The following NRROS variants were observed in gnomAD, a reference collection of about 807,000 sequenced individuals.
NRROS encodes transforming growth factor beta activator LRRC33.
Under a neutral mutation model 12.0 loss-of-function variants are expected in NRROS, and 6 were observed. The observed-to-expected ratio is 0.50, with a 90% CI of 0.27 to 0.98. The LOEUF (loss-of-function observed/expected upper bound fraction) is 0.98. NRROS is among the 50% of genes least tolerant of loss of function. NRROS has a pLI of 0.11. For synonymous variants in NRROS, 462 were observed against 410.2 expected (o/e 1.13, Z -1.53); for missense variants, 857 against 888.2 (o/e 0.96, Z 0.45).
chr3:196,661,695 C>T lies in NRROS; in HGVS notation c.2052C>T (p.Ser684=). The T allele has an allele frequency of 6.3e-7, 1 of 1,595,182 alleles. No homozygotes were observed. The highest frequency in any genetic ancestry group is 1.1e-5 in the South Asian group (1 of 90,904). Residue 684 remains serine (S), a synonymous_variant, in exon 3 of 3, where the codon AGC becomes AGT. Transcript: ENST00000328557. ...FKKPLLQVIK[S]RCHWSSVY is the part of the protein sequence containing the mutation. ...AGCCTCTGCTTCAGGTCATCAAGAG[C>T]CGCTGCCACTGGTCCTCCGTTTACT...
chr3:196,661,441 G>A lies in NRROS; in HGVS notation c.1798G>A (p.Gly600Arg). 6.3e-7 allele frequency: 1 copy of A among 1,591,300 alleles called. No individual in the cohort carries two copies. The highest frequency in any genetic ancestry group is 8.6e-7 in the Non-Finnish European group (1 of 1,166,500). Residue 600 changes from glycine (G) to arginine (R), a missense_variant, in exon 3 of 3, where the codon GGG becomes AGG. Coordinates refer to ENST00000328557, the MANE Select transcript of NRROS (RefSeq NM_198565.3). ...YLSQNPYDCCGVDGWGALQHG... is the reference protein window; with the variant it reads ...YLSQNPYDCCRVDGWGALQHG... ...CAGTCAGAATCCATATGACTGCTGT[G>A]GGGTGGATGGCTGGGGGGCCCTGCA...
chr3:196,659,670 T>C, intron 2 of NRROS, 82 bp from the exon 3 acceptor site: 1 of 1,407,632 alleles, frequency 7.1e-7, no homozygotes, highest in Non-Finnish European at 9.6e-7. Context: ...GCAGGGACAG[T>C]CTGATAAGTG....
At chr3:196,653,589 G>A (rs950300490) in intron 1 of NRROS, among the ~76,000 whole-genome samples, 12 of 152,350 alleles carry the variant, frequency 7.9e-5, no homozygotes, top group Non-Finnish European at 1.8e-4. Context: ...TGGGCGTCAG[G>A]TCCCCAGCAG....
At position 196,654,529 on chromosome 3, in the gene NRROS, C is replaced by T. The variant is rs767480337; in HGVS notation, c.-11C>T. ...TCTTCCCTGCTCTCTGTCCACAGGG[C>T]TGCCCTTGAGATGGAGTTGCTGCCT... is the stretch of plus-strand genomic sequence containing the variant. On this transcript the variant is annotated splice_region_variant and 5_prime_UTR_variant, in exon 2 of 3. Coordinates refer to ENST00000328557, the MANE Select transcript of NRROS (RefSeq NM_198565.3). This position sits in a 1 kb window ranked among gnomAD's most constrained non-coding sequence, Gnocchi z 4.4. 6.3e-7 allele frequency: 1 copy of T among 1,583,262 alleles called. No homozygotes were observed. The highest frequency in any genetic ancestry group is 8.7e-7 in the Non-Finnish European group (1 of 1,151,844).
chr3:196,648,404 A>G (rs929803515), intron 1 of NRROS, among the ~76,000 whole-genome samples: 1 of 152,178 alleles, frequency 6.6e-6, no homozygotes, highest in African/African-American at 2.4e-5. Flanking sequence ...GTGCATCTGA[A>G]AACTCATCAC....
intron 2 of NRROS, among the ~76,000 whole-genome samples, chr3:196,657,680 C>G (rs1737568378): frequency 6.8e-6 from 1 of 147,474 alleles, no homozygotes; most frequent in African/African-American, 2.5e-5. Flanking sequence ...GCACTCCAGC[C>G]TGGACGACAA....
In NRROS at chr3:196,642,282, C is replaced by T. The variant is rs571561133; in HGVS notation, c.-14+2407C>T. On this transcript the variant is annotated intron_variant, in intron 1 of 2. Transcript: ENST00000328557. ...ACAAAAAACCAACGTAAATATGCTT[C>T]GGCAAAAAAGAAAAAAAAAAAGGAT... 3.1e-3 allele frequency among the ~76,000 whole-genome samples: 405 copies of T among 132,030 alleles called. 3 individuals are homozygous for T. The highest frequency in any genetic ancestry group is 2.0e-3 in the Non-Finnish European group (126 of 62,226). The allele number at this position is 132,030 out of a possible 152,430, so 86.6% of individuals were successfully genotyped here.
chr3:196,645,297 C>T (rs149782562), intron 1 of NRROS, among the ~76,000 whole-genome samples: 61 of 152,168 alleles, frequency 4.0e-4, no homozygotes, highest in Non-Finnish European at 4.9e-4. Context: ...TGTGGGCATG[C>T]GTGATTTAGT....
chr3:196,640,803 CT>C (rs962214388), intron 1 of NRROS, among the ~76,000 whole-genome samples: 10 of 119,228 alleles, frequency 8.4e-5, no homozygotes, highest in African/African-American at 3.2e-4. Context: ...AATGGAGCCT[CT>C]CCGGACAGGG....
At chr3:196,648,459 T>C (rs1485140999) in intron 1 of NRROS, among the ~76,000 whole-genome samples, 1 of 152,106 alleles carries the variant, frequency 6.6e-6, no homozygotes, top group Non-Finnish European at 1.5e-5. Context: ...ACTTTTCTGT[T>C]AGAGATTCTT....
In NRROS at chr3:196,644,968, A is replaced by G. The variant is rs183398456; in HGVS notation, c.-14+5093A>G. Reference sequence around the variant, plus strand: ...AACATAGCAAGACCTCTAAAAAAAAAGGAGAAAGAAAGATGGACAGAAGGA... The same window carrying G: ...AACATAGCAAGACCTCTAAAAAAAAGGGAGAAAGAAAGATGGACAGAAGGA... On this transcript the variant is annotated intron_variant, in intron 1 of 2. Coordinates refer to ENST00000328557, the MANE Select transcript of NRROS (RefSeq NM_198565.3). 1.6e-3 allele frequency among the ~76,000 whole-genome samples: 241 copies of G among 152,132 alleles called. 2 individuals carry two copies. The highest frequency in any genetic ancestry group is 5.6e-3 in the African/African-American group (231 of 41,518).
intron 1 of NRROS, among the ~76,000 whole-genome samples, chr3:196,646,752 C>G (rs1279823149): frequency 6.6e-6 from 1 of 152,176 alleles, no homozygotes; most frequent in East Asian, 1.9e-4. Flanking sequence ...CTCATCCATT[C>G]CCAGAGAGTC....
chr3:196,648,787 A>AAAAT (rs1737358205), intron 1 of NRROS, among the ~76,000 whole-genome samples: 1 of 151,616 alleles, frequency 6.6e-6, no homozygotes, highest in Non-Finnish European at 1.5e-5. Context: ...AAAAAAAAAA[A>AAAAT]AAATTCCAAC....
chr3:196,650,935 C>T (rs1737411486), intron 1 of NRROS, among the ~76,000 whole-genome samples: 1 of 152,210 alleles, frequency 6.6e-6, no homozygotes, highest in East Asian at 1.9e-4. Flanking sequence ...CTGGCAGCCC[C>T]TCGGGAAGCG....
At chr3:196,657,192 A>G (rs960702671) in intron 2 of NRROS, among the ~76,000 whole-genome samples, 5 of 149,658 alleles carry the variant, frequency 3.3e-5, no homozygotes, top group African/African-American at 9.8e-5. Context: ...CGACAGAGCA[A>G]GACTCCGTAT....
At chr3:196,640,582 G>A (rs907593762) in intron 1 of NRROS, among the ~76,000 whole-genome samples, 2 of 151,906 alleles carry the variant, frequency 1.3e-5, no homozygotes, top group African/African-American at 4.8e-5. Flanking sequence ...CTAACAGGAG[G>A]GCGACGAAGA....
chr3:196,658,969 CA>C (rs1054119984), intron 2 of NRROS, among the ~76,000 whole-genome samples: 1 of 151,802 alleles, frequency 6.6e-6, no homozygotes, highest in Non-Finnish European at 1.5e-5. Context: ...GACTTCATCT[CA>C]AAAAAACAAA....
At chr3:196,658,524 T>C (rs35493154) in intron 2 of NRROS, among the ~76,000 whole-genome samples, 39,183 of 152,136 alleles carry the variant, frequency 0.26, 5,181 homozygotes, top group Middle Eastern at 0.29. Context: ...CTGTGCTTCT[T>C]CTAACCTCTC....
In NRROS at chr3:196,661,078, G is replaced by A. The variant is rs760615866; in HGVS notation, c.1435G>A (p.Asp479Asn). The A allele has an allele frequency of 3.7e-6, 6 of 1,614,132 alleles. No individual in the cohort carries two copies. Among genetic ancestry groups the A allele is most frequent in the Non-Finnish European group, 5.1e-6 (6 of 1,180,032 alleles). Residue 479 changes from aspartate (D) to asparagine (N), a missense_variant, in exon 3 of 3, where the codon GAC becomes AAC. Asp to Asn is a conservative substitution (Grantham distance 23, BLOSUM62 1). Coordinates refer to ENST00000328557, the MANE Select transcript of NRROS (RefSeq NM_198565.3). ...LEGCGLGALPDCPFQGTSLTY... is the reference protein window; with the variant it reads ...LEGCGLGALPNCPFQGTSLTY... ...GGGCTGTGGCCTGGGGGCATTGCCA[G>A]ACTGCCCATTCCAAGGGACCTCCCT...
Sources: allele counts gnomAD v4.1 joint callset (sites outside exome capture counted in the v4.1 genomes callset), GRCh38; gene constraint gnomAD v4.1.1; non-coding constraint Gnocchi (gnomAD v3.1); transcripts MANE v1.5; gene names NCBI Gene and HGNC (gene_info 2026-07-23, HGNC 2026-07-21).